Variants in COMMD10 observed in about 807,000 individuals in gnomAD.
COMMD10 encodes the protein COMM domain containing 10, also known as COMM domain-containing protein 10.
In COMMD10, 33 loss-of-function variants were observed where a neutral mutation model predicts 28.9. The observed-to-expected ratio is 1.14, with a 90% CI of 0.87 to 1.53. The LOEUF is 1.53. COMMD10 is among the 40% of genes most tolerant of loss of function. The pLI is 0.00. For synonymous variants in COMMD10, 110 were observed against 81.7 expected, an observed-to-expected ratio of 1.35 and a Z score of -1.87; for missense variants, 310 against 233.4, an observed-to-expected ratio of 1.33 and a Z score of -2.14.
At chr5:116,119,713 G>A (rs1418371194) in intron 4 of COMMD10, among the ~76,000 whole-genome samples, 2 of 151,980 alleles carry the variant, frequency 1.3e-5, no homozygotes, top group Non-Finnish European at 2.9e-5. Flanking sequence ...CTAGGCTCAA[G>A]GGATCCTCCT....
chr5:116,088,761 C>T (rs1271711384), intron 2 of COMMD10, among the ~76,000 whole-genome samples: 1 of 152,210 alleles, frequency 6.6e-6, no homozygotes, highest in African/African-American at 2.4e-5. Flanking sequence ...ATCTCAGTCT[C>T]AGCAGTTTGT....
chr5:116,242,240 T>C (rs1408686195), intron 5 of COMMD10, among the ~76,000 whole-genome samples: 1 of 152,186 alleles, frequency 6.6e-6, no homozygotes, highest in Non-Finnish European at 1.5e-5. Flanking sequence ...CATTTCAGTT[T>C]TGAAAGTTTT....
intron 5 of COMMD10, among the ~76,000 whole-genome samples, chr5:116,254,218 A>G (rs530776171): frequency 2.4e-4 from 36 of 152,090 alleles, no homozygotes; most frequent in Non-Finnish European, 4.1e-4. Flanking sequence ...CTAGCGGTCT[A>G]TCAATTTTGT....
chr5:116,216,693 C>A (rs1320015621), intron 5 of COMMD10, among the ~76,000 whole-genome samples: 1 of 152,022 alleles, frequency 6.6e-6, no homozygotes, highest in East Asian at 1.9e-4. Context: ...GCCACCACGC[C>A]CAGCTTATTT....
At chr5:116,240,612 G>T (rs1220316331) in intron 5 of COMMD10, among the ~76,000 whole-genome samples, 1 of 152,100 alleles carries the variant, frequency 6.6e-6, no homozygotes, top group Non-Finnish European at 1.5e-5. Flanking sequence ...TAGAGAACCT[G>T]AGAAGTTCCA....
chr5:116,223,431 C>G (rs1484178265), intron 5 of COMMD10, among the ~76,000 whole-genome samples: 2 of 152,002 alleles, frequency 1.3e-5, no homozygotes, highest in African/African-American at 2.4e-5. Flanking sequence ...TTACTCAGCT[C>G]CAAATTAGGT....
intron 5 of COMMD10, among the ~76,000 whole-genome samples, chr5:116,156,305 A>C (rs1021155518): frequency 2.6e-5 from 4 of 152,192 alleles, no homozygotes; most frequent in Admixed American, 2.6e-4. Context: ...GATGTCAAGC[A>C]GATTACTTAA....
At chr5:116,215,048 C>G (rs576698419) in intron 5 of COMMD10, among the ~76,000 whole-genome samples, 1 of 151,966 alleles carries the variant, frequency 6.6e-6, no homozygotes, top group African/African-American at 2.4e-5. Context: ...TGGTGTTTTT[C>G]CTAAAAAGTA....
At position 116,292,462 on chromosome 5, in the gene COMMD10, A is replaced by G; in HGVS notation, c.582A>G (p.Ile194Met). 2 of 1,566,932 alleles carry G rather than the reference A, an allele frequency of 1.3e-6. No homozygotes were observed. Among genetic ancestry groups the G allele is most frequent in the Non-Finnish European group, 1.7e-6 (2 of 1,157,200 alleles). The change falls in exon 7 of 7, where the codon ATA becomes ATG. Residue 194 changes from isoleucine (I) to methionine (M), a missense_variant. Transcript: ENST00000274458. ...LFDFYNKLET[I>M]QAQLDSLT The stretch of plus-strand genomic sequence containing the variant: ...GTCTTTGTAAATAGCTAGAGACTAT[A>G]CAAGCACAGCTGGATTCCCTTACAT...
chr5:116,164,150 C>G (rs192657711), intron 5 of COMMD10, among the ~76,000 whole-genome samples: 4 of 152,050 alleles, frequency 2.6e-5, no homozygotes, highest in Non-Finnish European at 5.9e-5. Flanking sequence ...AACCCTGCCT[C>G]TACTAAGAAT....
intron 5 of COMMD10, among the ~76,000 whole-genome samples, chr5:116,161,474 G>C (rs978690217): frequency 6.6e-6 from 1 of 152,120 alleles, no homozygotes; most frequent in Non-Finnish European, 1.5e-5. Flanking sequence ...CAGCCCCTGT[G>C]CAGTGACAAA....
At chr5:116,204,743 A>G (rs1244418296) in intron 5 of COMMD10, among the ~76,000 whole-genome samples, 2 of 152,162 alleles carry the variant, frequency 1.3e-5, no homozygotes, top group Admixed American at 1.3e-4. Flanking sequence ...CCATTTTGAT[A>G]TTAATATTTG....
At chr5:116,125,018 C>G (rs1751576277) in intron 4 of COMMD10, among the ~76,000 whole-genome samples, 1 of 151,770 alleles carries the variant, frequency 6.6e-6, no homozygotes, top group Non-Finnish European at 1.5e-5. Context: ...TTGTGTCAGT[C>G]TGTGTCTCTT....
chr5:116,172,416 C>G (rs920987184), intron 5 of COMMD10, among the ~76,000 whole-genome samples: 3 of 152,116 alleles, frequency 2.0e-5, no homozygotes, highest in Admixed American at 6.6e-5. Flanking sequence ...GATGCTGCCT[C>G]TTTGTCTCTA....
At chr5:116,094,504 A>G (rs1032271857) in intron 4 of COMMD10, among the ~76,000 whole-genome samples, 1 of 152,208 alleles carries the variant, frequency 6.6e-6, no homozygotes, top group Non-Finnish European at 1.5e-5. Flanking sequence ...CTATTATTAA[A>G]AAGAGAAAAA....
chr5:116,284,572 C>T (rs931153285), intron 5 of COMMD10, among the ~76,000 whole-genome samples: 1 of 151,714 alleles, frequency 6.6e-6, no homozygotes, highest in Non-Finnish European at 1.5e-5. Context: ...TAGTCAAATT[C>T]CATTATCTAA....
At chr5:116,182,781 C>T (rs1247005928) in intron 5 of COMMD10, among the ~76,000 whole-genome samples, 2 of 152,096 alleles carry the variant, frequency 1.3e-5, no homozygotes, top group African/African-American at 4.8e-5. Flanking sequence ...TGTGTCTCCT[C>T]ACCCAAAATC....
intron 5 of COMMD10, among the ~76,000 whole-genome samples, chr5:116,232,010 C>T (rs1316839008): frequency 1.3e-5 from 2 of 152,102 alleles, no homozygotes; most frequent in African/African-American, 2.4e-5. Context: ...TAGTTGTAGT[C>T]AGCTGCACCA....
intron 5 of COMMD10, among the ~76,000 whole-genome samples, chr5:116,171,996 T>C (rs1486811008): frequency 6.6e-6 from 1 of 151,966 alleles, no homozygotes; most frequent in Non-Finnish European, 1.5e-5. Flanking sequence ...GTCCGTTGTT[T>C]TGTGAATTAT....
Sources: gnomAD v4.1 joint callset for allele counts (sites outside exome capture counted in the v4.1 genomes callset) on GRCh38, gnomAD v4.1.1 for gene constraint, MANE v1.5 for transcripts, NCBI Gene and HGNC (gene_info 2026-07-23, HGNC 2026-07-21) for gene names.